Variants in GSPT2 observed in about 807,000 individuals in gnomAD.
GSPT2 encodes G1 to S phase transition 2.
In GSPT2, 2 loss-of-function variants were observed where a neutral mutation model predicts 24.6. The ratio of observed to expected loss-of-function variants is 0.08; its 90% CI spans 0.03 to 0.26. The LOEUF (loss-of-function observed/expected upper bound fraction) is 0.26, where lower values mean the gene tolerates loss of function less well. Among genes scored for constraint, GSPT2 ranks in the 10% least tolerant of loss-of-function variants. The pLI is 1.00. For synonymous variants in GSPT2, 194 were observed against 189.3 expected, an observed-to-expected ratio of 1.02 and a Z score of -0.20; for missense variants, 322 against 489.6, an observed-to-expected ratio of 0.66 and a Z score of 3.23.
rs1923971378 is a variant in GSPT2, at chrX:51,745,312, C to T, written c.1686C>T (p.Asp562=). The T allele has an allele frequency of 8.3e-7, 1 of 1,208,986 alleles. No individual in the cohort carries two copies. Among genetic ancestry groups the T allele is most frequent in the Non-Finnish European group, 1.1e-6 (1 of 893,675 alleles). ...TAACAGCGTTAATCTCCTTGGTAGA[C>T]AAAAAATCAGGAGAAAAAAGTAAGA... ...VEITALISLV[D]KKSGEKSKTR... is the part of the protein sequence containing the mutation. Residue 562 remains aspartate, a synonymous_variant, in exon 1 of 1, where the codon GAC becomes GAT. Coordinates refer to ENST00000340438, the MANE Select transcript of GSPT2 (RefSeq NM_018094.5).
Position 51,743,868 on chromosome X carries a change from C to T in GSPT2, c.242C>T (p.Thr81Ile). ...SFLRGPTQPPTLPAGSGSNDE... is the reference protein window; with the variant it reads ...SFLRGPTQPPILPAGSGSNDE... Reference sequence around the variant, plus strand: ...CTGCGGGGCCCGACTCAGCCGCCCACCCTCCCGGCCGGCTCCGGCAGCAAC... The same window carrying T: ...CTGCGGGGCCCGACTCAGCCGCCCATCCTCCCGGCCGGCTCCGGCAGCAAC... Residue 81 changes from threonine (T) to isoleucine (I), a missense_variant, in exon 1 of 1, where the codon ACC (threonine) becomes ATC (isoleucine). Thr to Ile is a moderately conservative substitution (Grantham distance 89). Around this residue, in one of 4 missense-constraint regions of GSPT2, gnomAD observed 125 missense variants for 121.3 expected, o/e 1.03. Coordinates refer to ENST00000340438, the MANE Select transcript of GSPT2 (RefSeq NM_018094.5). 8.3e-7 allele frequency: 1 copy of T among 1,205,826 alleles called. No individual in the cohort carries two copies. The highest frequency in any genetic ancestry group is 1.1e-6 in the Non-Finnish European group (1 of 892,401).
chrX:51,745,736 TG>T lies in GSPT2; in HGVS notation c.*225del, dbSNP rs1923980762. On this transcript the variant is annotated 3_prime_UTR_variant, in exon 1 of 1. Transcript: ENST00000340438. Reference sequence around the variant, plus strand: ...CTTCCTCTGTACCACTCTGCTTCCTTGGACAATATCAGTAATAGCTTTGTAA... The same window carrying T: ...CTTCCTCTGTACCACTCTGCTTCCTTGACAATATCAGTAATAGCTTTGTAA... 7.5e-6 allele frequency: 3 copies of T among 401,367 alleles called. No individual in the cohort carries two copies. The highest frequency in any genetic ancestry group is 8.8e-6 in the Non-Finnish European group (2 of 227,677). 33.1% of individuals were successfully genotyped at this position (401,367 alleles called of 1,213,427 possible).
Position 51,744,838 on chromosome X carries a change from C to T in GSPT2, c.1212C>T (p.Phe404=). 2 of 1,209,244 alleles carry T rather than the reference C, an allele frequency of 1.7e-6. No individual in the cohort carries two copies. The highest frequency in any genetic ancestry group is 2.2e-6 in the Non-Finnish European group (2 of 893,141). ...CAAATATTAAAGAGCAGTCAGATTT[C>T]TGCCCTTGGTACACTGGATTACCAT... The part of the protein sequence containing the change: ...TGANIKEQSD[F]CPWYTGLPFI... The change falls in exon 1 of 1, where the codon TTC becomes TTT. Residue 404 remains phenylalanine (F), a synonymous_variant. Coordinates refer to ENST00000340438, the MANE Select transcript of GSPT2 (RefSeq NM_018094.5).
rs781884050 is a variant in GSPT2 at position 51,744,019 on chromosome X, A to G, written c.393A>G (p.Glu131=). The G allele has an allele frequency of 5.8e-6, 7 of 1,208,603 alleles. No homozygotes were observed. The highest frequency in any genetic ancestry group is 1.8e-5 in the African/African-American group (1 of 57,082). ...GTTCCAATTCAGCCGTTACCATGGA[A>G]CTTTCAGAACCTGTTGTAGAAAATG... ...LEGSNSAVTM[E]LSEPVVENGE... is the part of the protein sequence containing the mutation. Residue 131 remains glutamate (E), a synonymous_variant, in exon 1 of 1, where the codon GAA becomes GAG. Transcript: ENST00000340438.
At position 51,745,077 on chromosome X, in the gene GSPT2, T is replaced by C; in HGVS notation, c.1451T>C (p.Phe484Ser). 1.7e-6 allele frequency: 2 copies of C among 1,208,059 alleles called. No homozygotes were observed. The highest frequency in any genetic ancestry group is 2.2e-6 in the Non-Finnish European group (2 of 892,052). ...GILSDDTETD[F>S]VAPGENLKIR... is the part of the protein sequence containing the mutation. ...CTTTCTGATGATACTGAAACTGATT[T>C]TGTAGCCCCAGGTGAAAACCTCAAA... The change falls in exon 1 of 1, where the codon TTT becomes TCT. Residue 484 changes from phenylalanine (F) to serine (S), a missense_variant. Physicochemically the swap from Phe to Ser is radical, Grantham distance 155 (BLOSUM62 -2). Coordinates refer to ENST00000340438, the MANE Select transcript of GSPT2 (RefSeq NM_018094.5).
In GSPT2 at chrX:51,744,139, C is replaced by G. The variant is rs1557348858; in HGVS notation, c.513C>G (p.Pro171=). 8.3e-7 allele frequency: 1 copy of G among 1,209,114 alleles called. No homozygotes were observed. Among genetic ancestry groups the G allele is most frequent in the Admixed American group, 2.2e-5 (1 of 45,817 alleles). Residue 171 remains proline (P), a synonymous_variant, in exon 1 of 1, where the codon CCC becomes CCG. Transcript: ENST00000340438. ...GTGGTTCCTCGGGAGATTCAGGGCCCCCAGAAGAAAGTGGCCAGGAAATGA... is the reference window on the plus strand; with the variant it reads ...GTGGTTCCTCGGGAGATTCAGGGCCGCCAGAAGAAAGTGGCCAGGAAATGA... ...PGGGSSGDSG[P]PEESGQEMME...
chrX:51,745,010 GTGA>G lies in GSPT2; in HGVS notation c.1390_1392del (p.Met464del). On this transcript the variant is annotated inframe_deletion, in exon 1 of 1. Transcript: ENST00000340438. Reference sequence around the variant, plus strand: ...GTCCATTTTTAAAGGCCAGCAGCTCGTGATGATGCCAAACAAGCACAATGTAGA... The same window carrying G: ...GTCCATTTTTAAAGGCCAGCAGCTCGTGATGCCAAACAAGCACAATGTAGA... 1 of 1,208,364 alleles carries G rather than the reference GTGA, an allele frequency of 8.3e-7. No homozygotes were observed. The highest frequency in any genetic ancestry group is 3.0e-5 in the East Asian group (1 of 33,816).
chrX:51,743,818 C>T lies in GSPT2; in HGVS notation c.192C>T (p.His64=). Residue 64 remains histidine (H), a synonymous_variant, in exon 1 of 1, where the codon CAC becomes CAT. Transcript: ENST00000340438. ...VNAKPFVPNV[H]AAEFVPSFLR... is the part of the protein sequence containing the mutation. ...CCAAGCCCTTCGTGCCTAACGTACA[C>T]GCCGCGGAGTTCGTGCCGTCCTTCC... The T allele has an allele frequency of 1.7e-6, 2 of 1,210,865 alleles. No individual in the cohort carries two copies. The highest frequency in any genetic ancestry group is 2.2e-6 in the Non-Finnish European group (2 of 894,903).
rs1324012106 is a variant in GSPT2, at chrX:51,744,907, T to C, written c.1281T>C (p.Ile427=). 2.5e-6 allele frequency: 3 copies of C among 1,203,769 alleles called. No homozygotes were observed. The African/African-American group carries it at 5.3e-5, about 21-fold the overall frequency. The change falls in exon 1 of 1, where the codon ATT becomes ATC. Residue 427 remains isoleucine (I), a synonymous_variant. Coordinates refer to ENST00000340438, the MANE Select transcript of GSPT2 (RefSeq NM_018094.5). ...ACTTGCCAAACTTCAACAGATCAAT[T>C]GATGGACCAATAAGACTGCCAATTG... ...LDNLPNFNRS[I]DGPIRLPIVD... is the part of the protein sequence containing the mutation.
At position 51,744,073 on chromosome X, in the gene GSPT2, A is replaced by G; in HGVS notation, c.447A>G (p.Ser149=). ...AGGTGGAAATGGCCCTAGAAGAATC[A>G]TGGGAGCACAGTAAAGAAGTAAGTG... The part of the protein sequence containing the change: ...NGEVEMALEE[S]WEHSKEVSEA... The change falls in exon 1 of 1, where the codon TCA becomes TCG. Residue 149 remains serine, a synonymous_variant. Transcript: ENST00000340438. 8.3e-7 allele frequency: 1 copy of G among 1,209,087 alleles called. No homozygotes were observed. The highest frequency in any genetic ancestry group is 1.7e-5 in the African/African-American group (1 of 57,743).
Position 51,743,836 on chromosome X carries a change from G to A in GSPT2, c.210G>A (p.Pro70=). Reference sequence around the variant, plus strand: ...ACGTACACGCCGCGGAGTTCGTGCCGTCCTTCCTGCGGGGCCCGACTCAGC... The same window carrying A: ...ACGTACACGCCGCGGAGTTCGTGCCATCCTTCCTGCGGGGCCCGACTCAGC... The part of the protein sequence containing the change: ...VPNVHAAEFV[P]SFLRGPTQPP... Residue 70 remains proline (P), a synonymous_variant, in exon 1 of 1, where the codon CCG becomes CCA. Coordinates refer to ENST00000340438, the MANE Select transcript of GSPT2 (RefSeq NM_018094.5). 8.3e-7 allele frequency: 1 copy of A among 1,209,596 alleles called. No individual in the cohort carries two copies. Among genetic ancestry groups the A allele is most frequent in the East Asian group, 3.0e-5 (1 of 33,745 alleles).
chrX:51,743,529 T>G lies in GSPT2; in HGVS notation c.-98T>G. On this transcript the variant is annotated 5_prime_UTR_variant, in exon 1 of 1. Transcript: ENST00000340438. ...AGCTAAGGTTCGTGTCGCTACCCCT[T>G]GGCCCTTCGCTCTTGCTGCCTTAAC... is the stretch of plus-strand genomic sequence containing the variant. The G allele has an allele frequency of 1.4e-6, 1 of 719,225 alleles. No individual in the cohort carries two copies. Among genetic ancestry groups the G allele is most frequent in the Non-Finnish European group, 2.0e-6 (1 of 491,689 alleles). 59.3% of individuals were successfully genotyped at this position (719,225 alleles called of 1,213,427 possible).
In GSPT2 at chrX:51,745,281, T is replaced by C; in HGVS notation, c.1655T>C (p.Val552Ala). ...VLHIHTCIEE[V>A]EITALISLVD... is the part of the protein sequence containing the mutation. Reference sequence around the variant, plus strand: ...CACATTCATACTTGTATTGAGGAAGTTGAGATAACAGCGTTAATCTCCTTG... The same window carrying C: ...CACATTCATACTTGTATTGAGGAAGCTGAGATAACAGCGTTAATCTCCTTG... The change falls in exon 1 of 1, where the codon GTT (valine) becomes GCT (alanine). Residue 552 changes from valine (V) to alanine (A), a missense_variant. Physicochemically the swap from Val to Ala is moderately conservative, Grantham distance 64. This residue lies in a region of GSPT2 where 117 missense variants were observed against 204.1 expected (regional missense o/e 0.57). Coordinates refer to ENST00000340438, the MANE Select transcript of GSPT2 (RefSeq NM_018094.5). The C allele has an allele frequency of 1.7e-6, 2 of 1,204,615 alleles. No homozygotes were observed. The highest frequency in any genetic ancestry group is 2.2e-6 in the Non-Finnish European group (2 of 889,023).
Position 51,745,501 on chromosome X carries a change from A to G in GSPT2, c.1875A>G (p.Pro625=), listed in dbSNP as rs1318084182. The G allele has an allele frequency of 2.5e-6, 3 of 1,183,882 alleles. No individual in the cohort carries two copies. The African/African-American group carries it at 5.3e-5, about 21-fold the overall frequency. Residue 625 remains proline, a synonymous_variant, in exon 1 of 1, where the codon CCA becomes CCG. Transcript: ENST00000340438. Reference sequence around the variant, plus strand: ...TTGGAAAAGTTCTGAAATTGGTCCCAGAGAAGGACTAAGCAATTTTCTTGA... The same window carrying G: ...TTGGAAAAGTTCTGAAATTGGTCCCGGAGAAGGACTAAGCAATTTTCTTGA... ...IAIGKVLKLV[P]EKD is the part of the protein sequence containing the mutation.
chrX:51,745,089 G>A lies in GSPT2; in HGVS notation c.1463G>A (p.Gly488Asp). 1 of 1,208,594 alleles carries A rather than the reference G, an allele frequency of 8.3e-7. No individual in the cohort carries two copies. Among genetic ancestry groups the A allele is most frequent in the Non-Finnish European group, 1.1e-6 (1 of 892,791 alleles). The change falls in exon 1 of 1, where the codon GGT (glycine) becomes GAT (aspartate). Residue 488 changes from glycine to aspartate, a missense_variant. Physicochemically the swap from Gly to Asp is moderately conservative, Grantham distance 94 (BLOSUM62 -1). Around this residue, in one of 4 missense-constraint regions of GSPT2, gnomAD observed 117 missense variants for 204.1 expected, o/e 0.57. Transcript: ENST00000340438. ...ACTGAAACTGATTTTGTAGCCCCAGGTGAAAACCTCAAAATCAGACTGAAG... is the reference window on the plus strand; with the variant it reads ...ACTGAAACTGATTTTGTAGCCCCAGATGAAAACCTCAAAATCAGACTGAAG... ...DDTETDFVAP[G>D]ENLKIRLKGI... is the part of the protein sequence containing the mutation.
chrX:51,743,803 C>G lies in GSPT2; in HGVS notation c.177C>G (p.Phe59Leu). ...SRKLNVNAKPFVPNVHAAEFV... is the reference protein window; with the variant it reads ...SRKLNVNAKPLVPNVHAAEFV... ...AGCTCAACGTCAACGCCAAGCCCTT[C>G]GTGCCTAACGTACACGCCGCGGAGT... The change falls in exon 1 of 1, where the codon TTC becomes TTG. Residue 59 changes from phenylalanine (F) to leucine (L), a missense_variant. Phe to Leu is a conservative substitution (Grantham distance 22). Transcript: ENST00000340438. The G allele has an allele frequency of 8.3e-7, 1 of 1,211,319 alleles. No individual in the cohort carries two copies. Among genetic ancestry groups the G allele is most frequent in the Non-Finnish European group, 1.1e-6 (1 of 895,163 alleles).
At position 51,743,539 on chromosome X, in the gene GSPT2, C is replaced by G; in HGVS notation, c.-88C>G. On this transcript the variant is annotated 5_prime_UTR_variant, in exon 1 of 1. Transcript: ENST00000340438. ...CGTGTCGCTACCCCTTGGCCCTTCG[C>G]TCTTGCTGCCTTAACCCCGCCGGCG... 1.2e-6 allele frequency: 1 copy of G among 849,279 alleles called. No homozygotes were observed. Among genetic ancestry groups the G allele is most frequent in the South Asian group, 2.5e-5 (1 of 39,522 alleles). The allele number at this position is 849,279 out of a possible 1,213,427, so 70.0% of individuals were successfully genotyped here. A position where few individuals can be genotyped will look rare whatever the true frequency, so the allele number is the denominator to read the frequency against.
At position 51,744,715 on chromosome X, in the gene GSPT2, T is replaced by C. The variant is rs1923962073; in HGVS notation, c.1089T>C (p.Tyr363=). 2.5e-6 allele frequency: 3 copies of C among 1,210,269 alleles called. No homozygotes were observed. Among genetic ancestry groups the C allele is most frequent in the East Asian group, 3.0e-5 (1 of 33,848 alleles). ...DPTVNWSIER[Y]EECKEKLVPF... ...CAGTAAATTGGAGCATCGAGAGATA[T>C]GAAGAATGTAAAGAAAAACTGGTGC... Residue 363 remains tyrosine, a synonymous_variant, in exon 1 of 1, where the codon TAT becomes TAC. Coordinates refer to ENST00000340438, the MANE Select transcript of GSPT2 (RefSeq NM_018094.5).
At position 51,745,550 on chromosome X, in the gene GSPT2, A is replaced by G. The variant is rs1557349029; in HGVS notation, c.*37A>G. 1 of 880,972 alleles carries G rather than the reference A, an allele frequency of 1.1e-6. No homozygotes were observed. The allele number at this position is 880,972 out of a possible 1,213,427, so 72.6% of individuals were successfully genotyped here. A position where few individuals can be genotyped will look rare whatever the true frequency, so the allele number is the denominator to read the frequency against. On this transcript the variant is annotated 3_prime_UTR_variant, in exon 1 of 1. Transcript: ENST00000340438. ...GATGCCTCTGCAAGATACTGTGAGGAGAATTGACAGCAAAAGTTCACCACC... is the reference window on the plus strand; with the variant it reads ...GATGCCTCTGCAAGATACTGTGAGGGGAATTGACAGCAAAAGTTCACCACC...
Sources: allele counts gnomAD v4.1 joint callset, GRCh38; gene constraint gnomAD v4.1.1; regional missense constraint gnomAD v4.1.1; transcripts MANE v1.5; gene names NCBI Gene and HGNC (gene_info 2026-07-23, HGNC 2026-07-21).